TNN: variants seen among roughly 807,000 people sequenced by gnomAD.
The protein encoded by TNN is tenascin-N.
A neutral mutation model predicts 134.4 loss-of-function variants in TNN; 122 were observed. That is an observed-to-expected ratio of 0.91 (90% CI 0.78 to 1.06). The LOEUF (loss-of-function observed/expected upper bound fraction) is 1.06, where lower values mean the gene tolerates loss of function less well. Among genes scored for constraint, TNN ranks in the 50% least tolerant of loss-of-function variants. TNN has a pLI of 0.00. For synonymous variants in TNN, 710 were observed against 670.3 expected (o/e 1.06, Z -0.91); for missense variants, 1,739 against 1,699.4 (o/e 1.02, Z -0.41).
chr1:175,095,501 G>A (rs1161635052), intron 7 of TNN, among the ~76,000 whole-genome samples: 2 of 152,206 alleles, frequency 1.3e-5, no homozygotes, highest in South Asian at 2.1e-4. Context: ...TACATTACAC[G>A]TGACTCTCTG....
At chr1:175,092,036 A>G (rs1674462982) in intron 6 of TNN, among the ~76,000 whole-genome samples, 1 of 152,130 alleles carries the variant, frequency 6.6e-6, no homozygotes, top group Admixed American at 6.5e-5. Flanking sequence ...GGTTGTACAG[A>G]TGTGGATGCT....
Position 175,077,651 on chromosome 1 carries a change from C to T in TNN, c.233C>T (p.Ala78Val), listed in dbSNP as rs148077989. 3.5e-5 allele frequency: 57 copies of T among 1,614,032 alleles called. No individual in the cohort carries two copies. Among genetic ancestry groups the T allele is most frequent in the Non-Finnish European group, 4.8e-5 (57 of 1,180,018 alleles). ...GCTTCGCTCTTGGCCCTGGGGGAGGCCAGGGAGGAACAGAACATCATCTTC... is the reference window on the plus strand; with the variant it reads ...GCTTCGCTCTTGGCCCTGGGGGAGGTCAGGGAGGAACAGAACATCATCTTC... ...DGASLLALGEAREEQNIIFRH... is the reference protein window; with the variant it reads ...DGASLLALGEVREEQNIIFRH... Residue 78 changes from alanine to valine, a missense_variant, in exon 2 of 19, where the codon GCC (alanine) becomes GTC (valine). Physicochemically the swap from Ala to Val is moderately conservative, Grantham distance 64. Coordinates refer to ENST00000239462, the MANE Select transcript of TNN (RefSeq NM_022093.2).
intron 5 of TNN, 72 bp from the exon 6 acceptor site, chr1:175,085,333 C>A: frequency 1.1e-6 from 1 of 944,918 alleles, no homozygotes; most frequent in South Asian, 1.4e-5. Flanking sequence ...GGAGAAATCC[C>A]AGGGAGGAGT....
Position 175,077,537 on chromosome 1 carries a change from T to C in TNN, c.119T>C (p.Val40Ala), listed in dbSNP as rs761040271. 1.2e-5 allele frequency: 20 copies of C among 1,613,950 alleles called. No homozygotes were observed. The Admixed American group carries it at 1.5e-4, about 12-fold the overall frequency. ...PPGCSNKEQQVTVSHTYKIDV... is the reference protein window; with the variant it reads ...PPGCSNKEQQATVSHTYKIDV... ...GGCTGCAGCAACAAGGAGCAACAGGTCACTGTCAGCCACACCTACAAGATC... is the reference window on the plus strand; with the variant it reads ...GGCTGCAGCAACAAGGAGCAACAGGCCACTGTCAGCCACACCTACAAGATC... Residue 40 changes from valine to alanine, a missense_variant, in exon 2 of 19, where the codon GTC (valine) becomes GCC (alanine). Physicochemically the swap from Val to Ala is moderately conservative, Grantham distance 64. Transcript: ENST00000239462.
chr1:175,101,405 G>A (rs919248705), intron 9 of TNN, among the ~76,000 whole-genome samples: 2 of 151,524 alleles, frequency 1.3e-5, no homozygotes, highest in Admixed American at 6.6e-5. Flanking sequence ...AAAGCAGCGT[G>A]GACCCAAAGA....
chr1:175,120,341 A>T (rs1373040662), intron 11 of TNN, among the ~76,000 whole-genome samples: 2 of 152,238 alleles, frequency 1.3e-5, no homozygotes, highest in Admixed American at 6.5e-5. Flanking sequence ...GGTATAGAGA[A>T]TTACAGGGTA....
In TNN at chr1:175,077,870, G is replaced by C. The variant is rs751672932; in HGVS notation, c.409+43G>C. ...TATTCATTCAACAAACATTTGATGA[G>C]CACCTATTATGTGCCAGGGTTTCCA... On this transcript the variant is annotated intron_variant, in intron 2 of 18. Transcript: ENST00000239462. The C allele has an allele frequency of 1.3e-5, 20 of 1,570,254 alleles. No homozygotes were observed. The East Asian group carries it at 4.3e-4, about 34-fold the overall frequency.
chr1:175,128,858 T>A, intron 15 of TNN, 112 bp downstream of exon 15: 1 of 1,195,506 alleles, frequency 8.4e-7, no homozygotes, highest in South Asian at 2.2e-5. Flanking sequence ...TCTCCACCCA[T>A]GGAAGAGAGG....
chr1:175,117,860 T>G (rs951017531), intron 10 of TNN, among the ~76,000 whole-genome samples: 11 of 152,230 alleles, frequency 7.2e-5, no homozygotes, highest in African/African-American at 2.4e-4. Context: ...GCCAGAGTTT[T>G]GAGGATAAGG....
At chr1:175,083,683 C>A in intron 4 of TNN, 67 bp from the exon 5 acceptor site, 1 of 1,472,686 alleles carries the variant, frequency 6.8e-7, no homozygotes, top group South Asian at 1.3e-5. Context: ...TAACCAACAG[C>A]CTGTCACAGA....
Position 175,067,881 on chromosome 1 carries a change from G to T in TNN, c.-90G>T. The T allele has an allele frequency of 2.0e-6, 1 of 501,336 alleles. No homozygotes were observed. The highest frequency in any genetic ancestry group is 5.7e-5 in the East Asian group (1 of 17,466). 31.1% of individuals were successfully genotyped at this position (501,336 alleles called of 1,614,324 possible). Reference sequence around the variant, plus strand: ...GCAAGTACCAAGGTCTGCGGCAGGAGGAGACCGGCTCACAGGAGCAGCAGC... The same window carrying T: ...GCAAGTACCAAGGTCTGCGGCAGGATGAGACCGGCTCACAGGAGCAGCAGC... On this transcript the variant is annotated 5_prime_UTR_variant, in exon 1 of 19. It adds an upstream start codon to the 5' untranslated region. Coordinates refer to ENST00000239462, the MANE Select transcript of TNN (RefSeq NM_022093.2).
At chr1:175,089,161 T>A (rs191949153) in intron 6 of TNN, among the ~76,000 whole-genome samples, 1 of 152,204 alleles carries the variant, frequency 6.6e-6, no homozygotes, top group African/African-American at 2.4e-5. Context: ...AGACTGTTAA[T>A]TAATTTAAGG....
At chr1:175,084,845 G>A (rs1051475840) in intron 5 of TNN, among the ~76,000 whole-genome samples, 3 of 152,104 alleles carry the variant, frequency 2.0e-5, no homozygotes, top group Admixed American at 6.5e-5. Context: ...TTAAAAAAAG[G>A]GCTGGGCATA....
intron 12 of TNN, 149 bp downstream of exon 12, chr1:175,123,812 A>G: frequency 8.3e-7 from 1 of 1,211,406 alleles, no homozygotes; most frequent in Non-Finnish European, 1.1e-6. Context: ...CTTTGAGCTA[A>G]TTAAGTTGAC....
chr1:175,071,844 C>A (rs1161366418), intron 1 of TNN, among the ~76,000 whole-genome samples: 1 of 152,202 alleles, frequency 6.6e-6, no homozygotes, highest in Non-Finnish European at 1.5e-5. Context: ...TGTCCATTAT[C>A]TAATAAGCAC....
chr1:175,094,303 G>C, intron 7 of TNN, 50 bp downstream of exon 7: 1 of 1,460,448 alleles, frequency 6.8e-7, no homozygotes, highest in East Asian at 2.4e-5. Context: ...CAGGGAGAAG[G>C]TTGATTTTTG....
intron 2 of TNN, among the ~76,000 whole-genome samples, chr1:175,078,824 C>T (rs1341732309): frequency 6.6e-6 from 1 of 152,166 alleles, no homozygotes; most frequent in Non-Finnish European, 1.5e-5. Context: ...GTAGCTTCTG[C>T]AGTTCCGTTT....
intron 15 of TNN, among the ~76,000 whole-genome samples, chr1:175,131,504 G>A (rs1234359509): frequency 3.9e-5 from 6 of 152,026 alleles, no homozygotes; most frequent in Non-Finnish European, 8.8e-5. Context: ...TTCATTATAG[G>A]GTGTTTTCAT....
intron 6 of TNN, among the ~76,000 whole-genome samples, chr1:175,092,056 G>A (rs951698406): frequency 1.2e-4 from 18 of 152,174 alleles, no homozygotes; most frequent in African/African-American, 4.1e-4. Flanking sequence ...TTTTGAGAAG[G>A]TGAGGGCCAT....
Sources: allele counts gnomAD v4.1 joint callset (sites outside exome capture counted in the v4.1 genomes callset), GRCh38; gene constraint gnomAD v4.1.1; transcripts MANE v1.5; gene names NCBI Gene and HGNC (gene_info 2026-07-23, HGNC 2026-07-21).